Variants in SMC1B observed in about 807,000 individuals in gnomAD.
SMC1B encodes the protein structural maintenance of chromosomes 1B.
In SMC1B, 60 loss-of-function variants were observed where a neutral mutation model predicts 157.9. The observed-to-expected ratio is 0.38, with a 90% CI of 0.31 to 0.47. SMC1B has a LOEUF of 0.47. Among genes scored for constraint, SMC1B ranks in the 20% least tolerant of loss-of-function variants. SMC1B has a pLI of 0.99. For synonymous variants in SMC1B, 445 were observed against 483.0 expected, an observed-to-expected ratio of 0.92 and a Z score of 1.03; for missense variants, 1,165 against 1,426.2, an observed-to-expected ratio of 0.82 and a Z score of 2.95.
In SMC1B at chr22:45,399,085, C is replaced by A; in HGVS notation, c.1113+10G>T. Reference sequence around the variant, plus strand: ...AAACACAAGATTTCCCCTAAGTTGTCCTTTTTTACCTGACTGGCTTCCAGT... The same window carrying A: ...AAACACAAGATTTCCCCTAAGTTGTACTTTTTTACCTGACTGGCTTCCAGT... On this transcript the variant is annotated intron_variant, in intron 6 of 24. Transcript: ENST00000357450. 6.2e-7 allele frequency: 1 copy of A among 1,603,516 alleles called. No individual in the cohort carries two copies.
intron 1 of SMC1B, among the ~76,000 whole-genome samples, chr22:45,410,682 A>G (rs1342874093): frequency 6.6e-6 from 1 of 152,200 alleles, no homozygotes; most frequent in Non-Finnish European, 1.5e-5. Flanking sequence ...CAGCCTGGGC[A>G]AGAGAGCAAG....
chr22:45,405,827 CACTAACAGTGTGG>C (rs1290172454), intron 4 of SMC1B, among the ~76,000 whole-genome samples: 1 of 152,096 alleles, frequency 6.6e-6, no homozygotes, highest in East Asian at 1.9e-4. Context: ...TCGACACATG[CACTAACAGTGTGG>C]ACAAAATTGC....
At chr22:45,365,217 G>A (rs2086764082) in intron 15 of SMC1B, among the ~76,000 whole-genome samples, 1 of 151,980 alleles carries the variant, frequency 6.6e-6, no homozygotes, top group African/African-American at 2.4e-5. Context: ...ATTTATATAC[G>A]GACATTCCCA....
chr22:45,382,504 G>A (rs1382841202), intron 12 of SMC1B, among the ~76,000 whole-genome samples: 1 of 152,198 alleles, frequency 6.6e-6, no homozygotes, highest in Non-Finnish European at 1.5e-5. Context: ...AAGGAATTCT[G>A]CGGGGTGAAG....
chr22:45,413,291 G>C (rs976847982), intron 1 of SMC1B, among the ~76,000 whole-genome samples, 168 bp downstream of exon 1: 6 of 152,202 alleles, frequency 3.9e-5, no homozygotes, highest in Non-Finnish European at 8.8e-5. Flanking sequence ...TGATGGGCAG[G>C]GGCTGGGCCA....
intron 20 of SMC1B, among the ~76,000 whole-genome samples, chr22:45,354,583 G>T (rs1056573075): frequency 1.3e-5 from 2 of 152,198 alleles, no homozygotes; most frequent in East Asian, 3.9e-4. Context: ...TAGACATGGG[G>T]TTTTACCATG....
chr22:45,376,522 C>G (rs911581334), intron 12 of SMC1B, among the ~76,000 whole-genome samples: 4 of 152,026 alleles, frequency 2.6e-5, no homozygotes, highest in Non-Finnish European at 4.4e-5. Context: ...TTTTAAGACC[C>G]TACTTTCTTG....
intron 6 of SMC1B, 49 bp from the exon 7 acceptor site, chr22:45,396,535 G>A: frequency 2.0e-6 from 3 of 1,534,770 alleles, no homozygotes; most frequent in Non-Finnish European, 2.6e-6. Context: ...AGAAGCATGA[G>A]AGCAAATTTC....
chr22:45,378,729 TA>T (rs527728662), intron 12 of SMC1B, among the ~76,000 whole-genome samples: 5 of 152,170 alleles, frequency 3.3e-5, no homozygotes, highest in Middle Eastern at 6.8e-3. Context: ...TCCATTCTAT[TA>T]AAAAAAATTA....
At chr22:45,385,931 C>T (rs916816315) in intron 11 of SMC1B, among the ~76,000 whole-genome samples, 2 of 151,910 alleles carry the variant, frequency 1.3e-5, no homozygotes, top group African/African-American at 4.8e-5. Flanking sequence ...TAAGAAGTGC[C>T]TGCTTTTTGT....
Position 45,413,546 on chromosome 22 carries a change from G to T in SMC1B, c.22C>A (p.Leu8Ile), listed in dbSNP as rs756617657. ...CGCCACGACTTGAAATTTTCCACAA[G>T]CAGCAGCTCCAGGTGGGCCATGGCG... MAHLELL[L>I]VENFKSWRGR... Residue 8 changes from leucine (L) to isoleucine (I), a missense_variant, in exon 1 of 25, where the codon CTT becomes ATT. Coordinates refer to ENST00000357450, the MANE Select transcript of SMC1B (RefSeq NM_148674.5). 6.2e-7 allele frequency: 1 copy of T among 1,610,918 alleles called. No individual in the cohort carries two copies. The highest frequency in any genetic ancestry group is 8.5e-7 in the Non-Finnish European group (1 of 1,178,562).
At position 45,408,811 on chromosome 22, in the gene SMC1B, T is replaced by C; in HGVS notation, c.197A>G (p.His66Arg). The C allele has an allele frequency of 6.3e-7, 1 of 1,578,002 alleles. No individual in the cohort carries two copies. Among genetic ancestry groups the C allele is most frequent in the Non-Finnish European group, 8.6e-7 (1 of 1,165,372 alleles). ...LRVKNIQELI[H>R]GAHIGKPISS... ...AATAGGTTTTCCAATATGTGCTCCA[T>C]GAATGAGTTCTTGAATATTTTTCAC... Residue 66 changes from histidine to arginine, a missense_variant, in exon 2 of 25, where the codon CAT (histidine) becomes CGT (arginine). Physicochemically the swap from His to Arg is conservative, Grantham distance 29. Transcript: ENST00000357450.
intron 11 of SMC1B, among the ~76,000 whole-genome samples, chr22:45,385,018 A>G (rs2086976258): frequency 6.6e-6 from 1 of 152,168 alleles, no homozygotes; most frequent in Non-Finnish European, 1.5e-5. Flanking sequence ...CACAGTATAA[A>G]TAGATCTTTT....
intron 8 of SMC1B, 73 bp downstream of exon 8, chr22:45,394,612 G>C: frequency 7.2e-7 from 1 of 1,390,238 alleles, no homozygotes; most frequent in South Asian, 1.5e-5. Context: ...CTCTGGCCTG[G>C]GCGATGGGAG....
intron 20 of SMC1B, among the ~76,000 whole-genome samples, 199 bp from the exon 21 acceptor site, chr22:45,354,331 T>C (rs534200269): frequency 6.6e-6 from 1 of 152,302 alleles, no homozygotes; most frequent in African/African-American, 2.4e-5. Flanking sequence ...GTAGGGCTAA[T>C]TGTTAAATAA....
intron 22 of SMC1B, among the ~76,000 whole-genome samples, chr22:45,350,423 G>A (rs572723122): frequency 5.3e-5 from 8 of 152,298 alleles, no homozygotes; most frequent in Admixed American, 3.3e-4. Flanking sequence ...GATTACAGGC[G>A]TGCGCCACTA....
intron 5 of SMC1B, 128 bp from the exon 6 acceptor site, chr22:45,399,481 G>T: frequency 1.1e-6 from 1 of 887,192 alleles, no homozygotes; most frequent in Non-Finnish European, 1.7e-6. Context: ...ACTGTAAGCA[G>T]ATCAATGGTT....
At chr22:45,389,628 C>G in intron 10 of SMC1B, 84 bp downstream of exon 10, 2 of 1,247,264 alleles carry the variant, frequency 1.6e-6, no homozygotes, top group Non-Finnish European at 2.2e-6. Flanking sequence ...TTCTCTATCA[C>G]TATCATAGTT....
chr22:45,385,508 G>T (rs6007007), intron 11 of SMC1B, among the ~76,000 whole-genome samples: 72,185 of 151,684 alleles, frequency 0.48, 19,615 homozygotes, highest in African/African-American at 0.75. Context: ...ATATAATTAA[G>T]ATACAAATAA....
Sources: gnomAD v4.1 joint callset for allele counts (sites outside exome capture counted in the v4.1 genomes callset) on GRCh38, gnomAD v4.1.1 for gene constraint, MANE v1.5 for transcripts, NCBI Gene and HGNC (gene_info 2026-07-23, HGNC 2026-07-21) for gene names.